The following TAF7L variants were observed in gnomAD, a reference collection of about 807,000 sequenced individuals.
TAF7L encodes transcription initiation factor TFIID subunit 7-like.
In TAF7L, 6 loss-of-function variants were observed where a neutral mutation model predicts 30.2. The observed-to-expected ratio is 0.20, with a 90% CI of 0.11 to 0.39. TAF7L has a LOEUF of 0.39. Among genes scored for constraint, TAF7L ranks in the 10% least tolerant of loss-of-function variants. The pLI, the probability that TAF7L is intolerant of heterozygous loss-of-function variation, is 1.00. For missense variants in TAF7L, 284 were observed against 277.1 expected (o/e 1.03, Z -0.18); for synonymous variants, 93 against 94.5 (o/e 0.98, Z 0.09).
At chrX:101,286,742 A>T in intron 2 of TAF7L, 89 bp from the exon 3 acceptor site, 1 of 660,009 alleles carries the variant, frequency 1.5e-6, no homozygotes, top group Non-Finnish European at 2.3e-6. Context: ...GCCCTCCCTT[A>T]AATAAAACTT....
chrX:101,278,022 T>C, intron 8 of TAF7L, 27 bp downstream of exon 8: 19 of 1,182,963 alleles, frequency 1.6e-5, no homozygotes, highest in Non-Finnish European at 2.1e-5. Context: ...GAACAGACTA[T>C]GCAGAAAATA....
rs1241086656 is a variant in TAF7L, at chrX:101,283,579, A to C, written c.150T>G (p.Asp50Glu). Residue 50 changes from aspartate (D) to glutamate (E), a missense_variant, in exon 4 of 13, where the codon GAT becomes GAG. Physicochemically the swap from Asp to Glu is conservative, Grantham distance 45. Coordinates refer to ENST00000356784, the MANE Select transcript of TAF7L (RefSeq NM_001168474.2). ...KDKLKIDLLP[D>E]GRHAVVEVED... ...CTACTTCAACAACTGCATGGCGCCC[A>C]TCAGCTGAAGAGAAGTAAAGATTAA... 8.3e-6 allele frequency: 10 copies of C among 1,209,043 alleles called. No individual in the cohort carries two copies. The highest frequency in any genetic ancestry group is 1.1e-5 in the Non-Finnish European group (10 of 894,868).
upstream of TAF7L, among the ~76,000 whole-genome samples, chrX:101,291,811 A>G (rs1409217220): frequency 2.8e-5 from 3 of 105,934 alleles, no homozygotes; most frequent in African/African-American, 6.9e-5. Flanking sequence ...GATTGCAGTG[A>G]GCCGAGATTG....
upstream of TAF7L, among the ~76,000 whole-genome samples, chrX:101,291,677 C>A (rs1378640029): frequency 9.2e-6 from 1 of 108,771 alleles, no homozygotes; most frequent in African/African-American, 3.4e-5. Context: ...CCATCCTGGC[C>A]AACATGATGA....
chrX:101,283,611 T>C (rs1293431219), intron 3 of TAF7L, 28 bp from the exon 4 acceptor site: 1 of 1,206,743 alleles, frequency 8.3e-7, no homozygotes, highest in Non-Finnish European at 1.1e-6. Context: ...TTAAAGTTGA[T>C]ATCTTCCCAG....
Position 101,273,820 on chromosome X carries a change from C to T in TAF7L, c.1086+1402G>A, listed in dbSNP as rs186224238. 1.5e-4 allele frequency among the ~76,000 whole-genome samples: 17 copies of T among 111,544 alleles called. No homozygotes were observed. The Admixed American group carries it at 1.6e-3, about 11-fold the overall frequency. Reference sequence around the variant, plus strand: ...TTCTGAGCATGAGACCTTGCATACGCTCCACCTAAGAGGCTCCTCATCCCA... The same window carrying T: ...TTCTGAGCATGAGACCTTGCATACGTTCCACCTAAGAGGCTCCTCATCCCA... On this transcript the variant is annotated intron_variant, in intron 12 of 12. Coordinates refer to ENST00000356784, the MANE Select transcript of TAF7L (RefSeq NM_001168474.2).
chrX:101,290,583 C>G (rs1409876687), intron 1 of TAF7L, among the ~76,000 whole-genome samples: 1 of 112,059 alleles, frequency 8.9e-6, no homozygotes, highest in Non-Finnish European at 1.9e-5. Flanking sequence ...GGTAATTCCT[C>G]TTTTATGGAA....
chrX:101,280,797 T>C (rs1924384669), intron 6 of TAF7L, among the ~76,000 whole-genome samples: 1 of 112,015 alleles, frequency 8.9e-6, no homozygotes, highest in Non-Finnish European at 1.9e-5. Flanking sequence ...AAATAAACTA[T>C]TGATGCTACA....
At chrX:101,272,796 G>A (rs184311001) in intron 12 of TAF7L, among the ~76,000 whole-genome samples, 123 of 111,249 alleles carry the variant, frequency 1.1e-3, no homozygotes, top group African/African-American at 3.8e-3. Context: ...TGGGGAGGAC[G>A]GGGTTTGAGG....
Position 101,282,937 on chromosome X carries a change from G to C in TAF7L, c.280-484C>G, listed in dbSNP as rs1263217232. ...TGTGCCACCACACCTGGCTAATCTT[G>C]TTTTTGTAGAGATGAGGTCTCACTA... On this transcript the variant is annotated intron_variant, in intron 4 of 12. Coordinates refer to ENST00000356784, the MANE Select transcript of TAF7L (RefSeq NM_001168474.2). Among the ~76,000 whole-genome samples, 3 of 110,051 alleles carry C rather than the reference G, an allele frequency of 2.7e-5. No homozygotes were observed. In the Admixed American group the frequency reaches 2.9e-4, roughly 11 times the overall value.
chrX:101,292,782 C>A (rs757782935), upstream of TAF7L: 23 of 1,202,116 alleles, frequency 1.9e-5, 1 homozygote, highest in African/African-American at 3.3e-4. Context: ...GCTTAAAAAA[C>A]CACCTACCTT....
rs766550964 is a variant in TAF7L at position 101,286,666 on chromosome X, T to A, written c.67-13A>T. The A allele has an allele frequency of 8.5e-7, 1 of 1,172,276 alleles. No homozygotes were observed. On this transcript the variant is annotated splice_polypyrimidine_tract_variant and intron_variant, in intron 2 of 12. Transcript: ENST00000356784. ...TACAAGCATGTTCCTAAAAAGGAGG[T>A]AAATTGAAAAATCAGAAGAACTAAA... is the stretch of plus-strand genomic sequence containing the variant.
At chrX:101,284,033 C>T (rs191914739) in intron 3 of TAF7L, among the ~76,000 whole-genome samples, 38 of 110,623 alleles carry the variant, frequency 3.4e-4, no homozygotes, top group Admixed American at 2.6e-3. Context: ...CTCTAATTAG[C>T]TTCATAAAGA....
rs779428440 is a variant in TAF7L at position 101,275,266 on chromosome X, C to G, written c.1042G>C (p.Val348Leu). 1.4e-5 allele frequency: 16 copies of G among 1,164,382 alleles called. No homozygotes were observed. The highest frequency in any genetic ancestry group is 9.8e-5 in the Admixed American group (4 of 40,947). ...NLTLKNHFQS[V>L]LEQLELQEKQ... ...TCCTGTAACTCAAGCTGCTCCAGCA[C>G]AGACTGAAAATGATTCTGAAAAATA... The change falls in exon 12 of 13, where the codon GTG (valine) becomes CTG (leucine). Residue 348 changes from valine to leucine, a missense_variant. Physicochemically the swap from Val to Leu is conservative, Grantham distance 32 (BLOSUM62 1). Transcript: ENST00000356784.
Position 101,291,331 on chromosome X carries a change from G to C in TAF7L, c.-110C>G, listed in dbSNP as rs778320179. 1 of 749,507 alleles carries C rather than the reference G, an allele frequency of 1.3e-6. No homozygotes were observed. Among genetic ancestry groups the C allele is most frequent in the African/African-American group, 2.3e-5 (1 of 43,484 alleles). 61.8% of individuals were successfully genotyped at this position (749,507 alleles called of 1,213,427 possible). A position where few individuals can be genotyped will look rare whatever the true frequency, so the allele number is the denominator to read the frequency against. On this transcript the variant is annotated 5_prime_UTR_variant, in exon 1 of 13. Transcript: ENST00000356784. ...GGGCTCCCGCGCGGAACGTAGAGGC[G>C]AACGCTGGGCTGCCGGCGCCTGGAC...
Position 101,269,098 on chromosome X carries a change from T to C in TAF7L, c.*95A>G. The C allele has an allele frequency of 1.3e-6, 1 of 756,030 alleles. No homozygotes were observed. 62.3% of individuals were successfully genotyped at this position (756,030 alleles called of 1,213,427 possible). A position where few individuals can be genotyped will look rare whatever the true frequency, so the allele number is the denominator to read the frequency against. ...ACAGATAAATATAACTGATTCAACA[T>C]AAGGCAACTGAAGGGACAAAAACGT... On this transcript the variant is annotated 3_prime_UTR_variant, in exon 13 of 13. Coordinates refer to ENST00000356784, the MANE Select transcript of TAF7L (RefSeq NM_001168474.2).
intron 12 of TAF7L, among the ~76,000 whole-genome samples, chrX:101,270,941 T>C (rs768481975): frequency 9.0e-6 from 1 of 111,611 alleles, no homozygotes; most frequent in African/African-American, 3.3e-5. Flanking sequence ...TCTCATGGAA[T>C]GCACTCCTTT....
At chrX:101,278,932 T>G in intron 7 of TAF7L, 62 bp downstream of exon 7, 1 of 1,016,012 alleles carries the variant, frequency 9.8e-7, no homozygotes, top group South Asian at 2.0e-5. Flanking sequence ...CATTTGAAAC[T>G]AATGAGCTAT....
At chrX:101,283,179 TC>T (rs1924475169) in intron 4 of TAF7L, among the ~76,000 whole-genome samples, 1 of 111,650 alleles carries the variant, frequency 9.0e-6, no homozygotes, top group African/African-American at 3.2e-5. Flanking sequence ...GTTCAGAAGA[TC>T]CCAGCAGCTC....
Sources: gnomAD v4.1 joint callset for allele counts (sites outside exome capture counted in the v4.1 genomes callset) on GRCh38, gnomAD v4.1.1 for gene constraint, MANE v1.5 for transcripts, NCBI Gene and HGNC (gene_info 2026-07-23, HGNC 2026-07-21) for gene names.